HOXA3: variants seen among roughly 807,000 people sequenced by gnomAD.
HOXA3 encodes the protein homeobox protein Hox-A3.
A neutral mutation model predicts 30.3 loss-of-function variants in HOXA3; 8 were observed. The observed-to-expected ratio is 0.26, with a 90% CI of 0.15 to 0.48. The LOEUF (loss-of-function observed/expected upper bound fraction) is 0.48, where lower values mean the gene tolerates loss of function less well. Among genes scored for constraint, HOXA3 ranks in the 20% least tolerant of loss-of-function variants. The pLI, the probability that HOXA3 is intolerant of heterozygous loss-of-function variation, is 0.99. For synonymous variants in HOXA3, 323 were observed against 273.1 expected, an observed-to-expected ratio of 1.18 and a Z score of -1.80; for missense variants, 653 against 614.4, an observed-to-expected ratio of 1.06 and a Z score of -0.66.
chr7:27,147,875 C>G, intron 1 of HOXA3: 1 of 881,964 alleles, frequency 1.1e-6, no homozygotes, highest in Non-Finnish European at 1.7e-6. Context: ...GCAAATCGCA[C>G]CAGCTGACGC....
At chr7:27,151,707 A>G (rs1229099441) in intron 1 of HOXA3, 9 of 456,282 alleles carry the variant, frequency 2.0e-5, no homozygotes, top group Non-Finnish European at 3.5e-5. Context: ...TCCCCCTTCT[A>G]CCTTTCTCTC....
At chr7:27,136,375 T>C (rs779746733) in intron 2 of HOXA3, among the ~76,000 whole-genome samples, 1 of 152,214 alleles carries the variant, frequency 6.6e-6, no homozygotes, top group Non-Finnish European at 1.5e-5. Flanking sequence ...TTGAAATCAC[T>C]CGTGATTCTA....
intron 1 of HOXA3, chr7:27,143,434 G>A: frequency 3.1e-6 from 5 of 1,613,092 alleles, no homozygotes; most frequent in Admixed American, 1.7e-5. Flanking sequence ...CGGAGCCCGA[G>A]CGGCCGACGC....
In HOXA3 at chr7:27,110,696, G is replaced by T; in HGVS notation, c.-56C>A. ...CTGACAGGGGTTTGACACCCGTGAG[G>T]GCGCACATTGGCACGCCCCCGCGGT... On this transcript the variant is annotated 5_prime_UTR_variant, in exon 5 of 6. Transcript: ENST00000612286. The T allele has an allele frequency of 6.3e-7, 1 of 1,583,712 alleles. No individual in the cohort carries two copies. The highest frequency in any genetic ancestry group is 8.6e-7 in the Non-Finnish European group (1 of 1,157,280).
chr7:27,128,788 T>G (rs949474816), intron 2 of HOXA3: 1 of 214,508 alleles, frequency 4.7e-6, no homozygotes, highest in African/African-American at 2.3e-5. Flanking sequence ...TTCAGTTAAA[T>G]ACAAGCTTGG....
At position 27,142,302 on chromosome 7, in the gene HOXA3, G is replaced by A. The variant is rs1046733831; in HGVS notation, c.-493-2116C>T. Among the ~76,000 whole-genome samples the A allele has an allele frequency of 3.3e-5, 5 of 152,208 alleles. No individual in the cohort carries two copies. The South Asian group carries it at 1.0e-3, about 31-fold the overall frequency. Reference sequence around the variant, plus strand: ...GAACAATCTGCCCATCTGAGGCTGGGGCCGTGTCCCGGCGGACTCCGGCTT... The same window carrying A: ...GAACAATCTGCCCATCTGAGGCTGGAGCCGTGTCCCGGCGGACTCCGGCTT... On this transcript the variant is annotated intron_variant, in intron 1 of 5. Transcript: ENST00000612286.
chr7:27,112,231 A>G (rs1784417332), intron 4 of HOXA3, among the ~76,000 whole-genome samples: 1 of 152,234 alleles, frequency 6.6e-6, no homozygotes, highest in African/African-American at 2.4e-5. Flanking sequence ...CAAGAAAATT[A>G]TAACAAATTC....
chr7:27,127,224 C>T (rs1785320592), intron 2 of HOXA3, among the ~76,000 whole-genome samples, 154 bp from the exon 3 acceptor site: 1 of 152,140 alleles, frequency 6.6e-6, no homozygotes, highest in African/African-American at 2.4e-5. Context: ...CTCCAGAAAT[C>T]CCTGGCACCC....
Position 27,108,449 on chromosome 7 carries a change from G to T in HOXA3, c.798C>A (p.Arg266=), listed in dbSNP as rs1487586394. Residue 266 remains arginine (R), a synonymous_variant, in exon 6 of 6, where the codon CGC becomes CGA. Transcript: ENST00000612286. This position sits in a 1 kb window ranked among gnomAD's most constrained non-coding sequence, Gnocchi z 5.0. ...CACCGGCTCCGGGGGGCACGGGGCTGCGACTTGGAGACTGGCCCCCCGATG... is the reference window on the plus strand; with the variant it reads ...CACCGGCTCCGGGGGGCACGGGGCTTCGACTTGGAGACTGGCCCCCCGATG... ...LTSSGGQSPS[R]SPVPPGAGGY... The T allele has an allele frequency of 1.2e-6, 2 of 1,614,072 alleles. No individual in the cohort carries two copies. Among genetic ancestry groups the T allele is most frequent in the Non-Finnish European group, 1.7e-6 (2 of 1,179,966 alleles).
chr7:27,120,705 A>G (rs1784964009), intron 4 of HOXA3, among the ~76,000 whole-genome samples: 1 of 152,200 alleles, frequency 6.6e-6, no homozygotes, highest in African/African-American at 2.4e-5. Context: ...AACAATTAAC[A>G]TTAATGACTT....
intron 1 of HOXA3, chr7:27,141,651 A>C (rs987024770): frequency 1.6e-6 from 1 of 641,618 alleles, no homozygotes; most frequent in Admixed American, 3.3e-5. Flanking sequence ...GATGAACAGA[A>C]AGCAGATCTA....
intron 2 of HOXA3, among the ~76,000 whole-genome samples, chr7:27,133,504 C>T (rs1021262829): frequency 6.6e-6 from 1 of 152,224 alleles, no homozygotes; most frequent in Non-Finnish European, 1.5e-5. Flanking sequence ...GGGGTGAAAG[C>T]GTTATCCTTT....
chr7:27,110,799 G>A, intron 4 of HOXA3, 39 bp from the exon 5 acceptor site: 2 of 1,057,396 alleles, frequency 1.9e-6, no homozygotes, highest in Non-Finnish European at 2.7e-6. Context: ...AGGGCTCCGC[G>A]CAAATCCATC....
intron 2 of HOXA3, chr7:27,130,092 C>T: frequency 2.5e-6 from 4 of 1,577,646 alleles, no homozygotes; most frequent in South Asian, 1.1e-5. Flanking sequence ...GCCCACCTCC[C>T]GCGCCTCCCA....
chr7:27,143,585 G>A, intron 1 of HOXA3: 1 of 1,597,920 alleles, frequency 6.3e-7, no homozygotes, highest in Middle Eastern at 1.7e-4. Context: ...ACCGCAAAAT[G>A]AGTTTACAAA....
In HOXA3 at chr7:27,108,492, C is replaced by A. The variant is rs1562709790; in HGVS notation, c.755G>T (p.Gly252Val). The A allele has an allele frequency of 6.2e-7, 1 of 1,614,010 alleles. No individual in the cohort carries two copies. Among genetic ancestry groups the A allele is most frequent in the Non-Finnish European group, 8.5e-7 (1 of 1,179,998 alleles). The part of the protein sequence containing the change: ...RRMKYKKDQK[G>V]KGMLTSSGGQ... ...CCCCGATGACGTTAGCATGCCCTTG[C>A]CCTTCTGATCCTTTTTGTACTTCAT... The change falls in exon 6 of 6, where the codon GGC becomes GTC. Residue 252 changes from glycine (G) to valine (V), a missense_variant. Physicochemically the swap from Gly to Val is moderately radical, Grantham distance 109. This residue lies in a region of HOXA3 where 330 missense variants were observed against 274.4 expected (regional missense o/e 1.20). Transcript: ENST00000612286. The surrounding 1 kb of genome is among the most constrained non-coding windows in gnomAD (Gnocchi z 5.0).
At chr7:27,143,610 G>GT in intron 1 of HOXA3, 1 of 1,589,772 alleles carries the variant, frequency 6.3e-7, no homozygotes, top group Admixed American at 1.7e-5. Context: ...GAGCTCATTT[G>GT]TTTTTTGATA....
intron 4 of HOXA3, among the ~76,000 whole-genome samples, chr7:27,120,714 T>C (rs1784964911): frequency 6.6e-6 from 1 of 152,074 alleles, no homozygotes; most frequent in Non-Finnish European, 1.5e-5. Flanking sequence ...CATTAATGAC[T>C]TGGGGTGGGA....
chr7:27,112,914 T>C (rs1784458160), intron 4 of HOXA3, among the ~76,000 whole-genome samples: 1 of 152,206 alleles, frequency 6.6e-6, no homozygotes, highest in South Asian at 2.1e-4. Context: ...AAAAATATCT[T>C]TGAAAATCAA....
Sources: gnomAD v4.1 joint callset for allele counts (sites outside exome capture counted in the v4.1 genomes callset) on GRCh38, gnomAD v4.1.1 for gene constraint, gnomAD v4.1.1 regional missense constraint, Gnocchi (gnomAD v3.1) non-coding constraint, MANE v1.5 for transcripts, NCBI Gene and HGNC (gene_info 2026-07-23, HGNC 2026-07-21) for gene names.